Variants in CFAP54 observed in about 807,000 individuals in gnomAD.
The protein encoded by CFAP54 is cilia- and flagella-associated protein 54.
CFAP54 carries 290 observed loss-of-function variants against 370.4 expected under a neutral mutation model. That is an observed-to-expected ratio of 0.78 (90% confidence interval 0.71 to 0.86). The LOEUF (loss-of-function observed/expected upper bound fraction) is 0.86, where lower values mean the gene tolerates loss of function less well. CFAP54 is among the 40% of genes least tolerant of loss of function. CFAP54 has a pLI of 0.00. For missense variants in CFAP54, 3,399 were observed against 3,528.7 expected, an observed-to-expected ratio of 0.96 and a Z score of 0.93; for synonymous variants, 1,206 against 1,236.5, an observed-to-expected ratio of 0.98 and a Z score of 0.52.
chr12:96,571,597 A>C (rs565658794), intron 19 of CFAP54, among the ~76,000 whole-genome samples: 1 of 152,302 alleles, frequency 6.6e-6, no homozygotes, highest in South Asian at 2.1e-4. Context: ...TGGTTTATCT[A>C]GGTTTTGCAA....
chr12:96,497,285 G>GA (rs1954965099), intron 1 of CFAP54, among the ~76,000 whole-genome samples: 2 of 151,962 alleles, frequency 1.3e-5, no homozygotes, highest in Admixed American at 6.6e-5. Flanking sequence ...AAAATGAAGT[G>GA]AAAAAAGGTA....
At chr12:96,838,213 T>C (rs1959192582) in intron 66 of CFAP54, among the ~76,000 whole-genome samples, 1 of 151,720 alleles carries the variant, frequency 6.6e-6, no homozygotes, top group South Asian at 2.1e-4. Flanking sequence ...CTCAGTAGGG[T>C]ATAATTTATG....
At chr12:96,536,620 C>CTTTTTCTTTTTTTTTTTTTTTTTTTT (rs1955506868) in intron 12 of CFAP54, among the ~76,000 whole-genome samples, 1 of 111,498 alleles carries the variant, frequency 9.0e-6, no homozygotes, top group Non-Finnish European at 2.0e-5. Flanking sequence ...TTGTCTTTTT[C>CTTTTTCTTTTTTTTTTTTTTTTTTTT]TTTTTCTTTT....
intron 15 of CFAP54, among the ~76,000 whole-genome samples, chr12:96,550,303 G>A (rs373031590): frequency 5.9e-5 from 9 of 152,158 alleles, no homozygotes; most frequent in East Asian, 5.8e-4. Context: ...CTGGCTGGGC[G>A]TGGTGGTTCA....
At chr12:96,681,879 G>T (rs924744022) in intron 40 of CFAP54, among the ~76,000 whole-genome samples, 10 of 152,096 alleles carry the variant, frequency 6.6e-5, no homozygotes, top group Non-Finnish European at 1.3e-4. Context: ...GATTATAGGT[G>T]TGAGCCATTG....
At chr12:96,588,697 T>C (rs1252481718) in intron 22 of CFAP54, among the ~76,000 whole-genome samples, 2 of 152,194 alleles carry the variant, frequency 1.3e-5, no homozygotes, top group Non-Finnish European at 2.9e-5. Flanking sequence ...CATAAAGGAT[T>C]TGAAGCAGTG....
intron 26 of CFAP54, among the ~76,000 whole-genome samples, chr12:96,607,988 C>T (rs1056939962): frequency 6.6e-6 from 1 of 151,968 alleles, no homozygotes; most frequent in African/African-American, 2.4e-5. Flanking sequence ...GAGGAAAACA[C>T]TTGAGGAAAT....
chr12:96,831,697 C>T (rs1959171694), intron 66 of CFAP54, among the ~76,000 whole-genome samples: 1 of 152,132 alleles, frequency 6.6e-6, no homozygotes. Context: ...AGCTCATTAG[C>T]TTCCTGGGGT....
At chr12:96,775,983 T>C (rs960886145) in intron 60 of CFAP54, among the ~76,000 whole-genome samples, 2 of 152,166 alleles carry the variant, frequency 1.3e-5, no homozygotes, top group African/African-American at 4.8e-5. Flanking sequence ...TTTCTTGTAA[T>C]AGGTGATTTA....
rs1287562025 is a variant in CFAP54, at chr12:96,611,060, T to C, written c.3640-10530T>C. Reference sequence around the variant, plus strand: ...AGTAGTGGTTCTCCCAGCATGGAGTTTGAGATCTGAGAAAGGACAGACTGC... The same window carrying C: ...AGTAGTGGTTCTCCCAGCATGGAGTCTGAGATCTGAGAAAGGACAGACTGC... On this transcript the variant is annotated intron_variant, in intron 26 of 67. Coordinates refer to ENST00000524981, the MANE Select transcript of CFAP54 (RefSeq NM_001306084.2). 3.3e-5 allele frequency among the ~76,000 whole-genome samples: 5 copies of C among 152,272 alleles called. No individual in the cohort carries two copies. In the East Asian group the frequency reaches 9.7e-4, roughly 29 times the overall value.
In CFAP54 at chr12:96,705,960, C is replaced by T. The variant is rs533102019; in HGVS notation, c.6528+1164C>T. Among the ~76,000 whole-genome samples, 7 of 151,762 alleles carry T rather than the reference C, an allele frequency of 4.6e-5. No individual in the cohort carries two copies. The East Asian group carries it at 7.7e-4, about 17-fold the overall frequency. Reference sequence around the variant, plus strand: ...CAAACAATGGAATTTTTTTTGTTTACGTAAGGCAAATAGTTTCTCTTTTTT... The same window carrying T: ...CAAACAATGGAATTTTTTTTGTTTATGTAAGGCAAATAGTTTCTCTTTTTT... On this transcript the variant is annotated intron_variant, in intron 47 of 67. Transcript: ENST00000524981.
At chr12:96,554,581 TAAG>T (rs1259662130) in intron 16 of CFAP54, 92 bp from the exon 17 acceptor site, 2 of 1,266,272 alleles carry the variant, frequency 1.6e-6, no homozygotes, top group Non-Finnish European at 2.1e-6. Flanking sequence ...TGGTTACAAA[TAAG>T]ATGATGATAA....
chr12:96,651,291 G>A (rs955374872), intron 35 of CFAP54, among the ~76,000 whole-genome samples: 4 of 152,094 alleles, frequency 2.6e-5, no homozygotes, highest in Admixed American at 6.6e-5. Context: ...TCCCTTGCTC[G>A]CTGCTGAATT....
At position 96,658,124 on chromosome 12, in the gene CFAP54, G is replaced by A. The variant is rs1956944478; in HGVS notation, c.5324+19G>A. 1 of 1,588,328 alleles carries A rather than the reference G, an allele frequency of 6.3e-7. No individual in the cohort carries two copies. The highest frequency in any genetic ancestry group is 8.6e-7 in the Non-Finnish European group (1 of 1,166,600). On this transcript the variant is annotated intron_variant, in intron 37 of 67. Coordinates refer to ENST00000524981, the MANE Select transcript of CFAP54 (RefSeq NM_001306084.2). ...TTTCACAGTAAGTACTGCTGTAAGGGCAATTAAAAGTAGAAGACTTCATTG... is the reference window on the plus strand; with the variant it reads ...TTTCACAGTAAGTACTGCTGTAAGGACAATTAAAAGTAGAAGACTTCATTG...
intron 62 of CFAP54, among the ~76,000 whole-genome samples, chr12:96,788,952 T>G (rs1958655451): frequency 6.6e-6 from 1 of 152,142 alleles, no homozygotes; most frequent in Non-Finnish European, 1.5e-5. Flanking sequence ...TTCTAAATCA[T>G]TCAGGAAATA....
In CFAP54 at chr12:96,743,818, T is replaced by C; in HGVS notation, c.7465T>C (p.Leu2489=). The C allele has an allele frequency of 6.2e-7, 1 of 1,613,972 alleles. No individual in the cohort carries two copies. Among genetic ancestry groups the C allele is most frequent in the Non-Finnish European group, 8.5e-7 (1 of 1,179,926 alleles). The change falls in exon 54 of 68, where the codon TTA becomes CTA. Residue 2489 remains leucine, a synonymous_variant. Coordinates refer to ENST00000524981, the MANE Select transcript of CFAP54 (RefSeq NM_001306084.2). The part of the protein sequence containing the change: ...LARSLVLLDD[L]TKAEKFKESP... ...AAGAAGCCTAGTTTTGCTGGATGAC[T>C]TAACCAAAGCTGAGAAATTCAAGGA...
chr12:96,850,057 T>C (rs536164426), intron 66 of CFAP54, among the ~76,000 whole-genome samples: 7 of 152,028 alleles, frequency 4.6e-5, no homozygotes, highest in African/African-American at 7.2e-5. Flanking sequence ...GTCTGTAAAA[T>C]TTCCAAAAGC....
intron 32 of CFAP54, among the ~76,000 whole-genome samples, chr12:96,635,056 G>A (rs765334957): frequency 6.6e-6 from 1 of 151,948 alleles, no homozygotes. Context: ...AGTTGTTTTA[G>A]CTACTCTAGG....
chr12:96,798,965 C>T (rs1446313221), intron 63 of CFAP54, among the ~76,000 whole-genome samples: 1 of 152,048 alleles, frequency 6.6e-6, no homozygotes, highest in Non-Finnish European at 1.5e-5. Flanking sequence ...CCTTAGTTTG[C>T]CTCTAAATGC....
Sources: allele counts gnomAD v4.1 joint callset (sites outside exome capture counted in the v4.1 genomes callset), GRCh38; gene constraint gnomAD v4.1.1; transcripts MANE v1.5; gene names NCBI Gene and HGNC (gene_info 2026-07-23, HGNC 2026-07-21).